The following UBXN2A variants were observed in gnomAD, a reference collection of about 807,000 sequenced individuals.
The protein encoded by UBXN2A is UBX domain protein 2A.
In UBXN2A, 28 loss-of-function variants were observed where a neutral mutation model predicts 28.4. The ratio of observed to expected loss-of-function variants is 0.99; its 90% CI spans 0.73 to 1.35. UBXN2A has a LOEUF of 1.35. UBXN2A is among the 40% of genes most tolerant of loss of function. The probability of loss-of-function intolerance (pLI) is 0.00; values close to 1 mark genes in which losing one functional copy is unlikely to be tolerated. For synonymous variants in UBXN2A, 97 were observed against 103.6 expected, an observed-to-expected ratio of 0.94 and a Z score of 0.39; for missense variants, 253 against 297.9, an observed-to-expected ratio of 0.85 and a Z score of 1.11.
intron 4 of UBXN2A, among the ~76,000 whole-genome samples, chr2:23,978,404 G>T (rs1707760725): frequency 6.6e-6 from 1 of 152,160 alleles, no homozygotes; most frequent in Non-Finnish European, 1.5e-5. Context: ...AGCACTTTGG[G>T]AGGCCGAGGC....
At position 23,966,381 on chromosome 2, in the gene UBXN2A, C is replaced by T. The variant is rs550819418; in HGVS notation, c.42-4895C>T. ...TGATCTCTTGACCTCGTGATCCGCCCACCTTGGCCTCCCAAAGTGCTAGGA... is the reference window on the plus strand; with the variant it reads ...TGATCTCTTGACCTCGTGATCCGCCTACCTTGGCCTCCCAAAGTGCTAGGA... On this transcript the variant is annotated intron_variant, in intron 2 of 6. Coordinates refer to ENST00000309033, the MANE Select transcript of UBXN2A (RefSeq NM_181713.4). Among the ~76,000 whole-genome samples the T allele has an allele frequency of 1.3e-3, 199 of 152,008 alleles. 1 individual carries two copies. The highest frequency in any genetic ancestry group is 3.4e-3 in the Middle Eastern group (1 of 292).
intron 5 of UBXN2A, 94 bp downstream of exon 5, chr2:23,983,127 C>A: frequency 7.8e-7 from 1 of 1,281,502 alleles, no homozygotes; most frequent in Non-Finnish European, 1.0e-6. Flanking sequence ...ATGAATGGAG[C>A]TTATCATTTC....
chr2:23,929,763 A>G (rs1705315826), intron 1 of UBXN2A, among the ~76,000 whole-genome samples: 1 of 152,190 alleles, frequency 6.6e-6, no homozygotes, highest in Non-Finnish European at 1.5e-5. Context: ...GGTGTGTGGT[A>G]TGCAAATTAT....
chr2:23,980,549 T>G (rs543954535), intron 4 of UBXN2A, among the ~76,000 whole-genome samples: 10 of 152,346 alleles, frequency 6.6e-5, no homozygotes, highest in Middle Eastern at 3.4e-3. Context: ...TGAGTGTCTT[T>G]TCATGTGCTT....
intron 3 of UBXN2A, among the ~76,000 whole-genome samples, chr2:23,976,684 G>A (rs1360553797): frequency 6.6e-6 from 1 of 152,066 alleles, no homozygotes; most frequent in Non-Finnish European, 1.5e-5. Context: ...CACAACACAC[G>A]GGAATTCTGG....
At chr2:23,961,230 G>A (rs1706891242) in intron 2 of UBXN2A, among the ~76,000 whole-genome samples, 1 of 151,668 alleles carries the variant, frequency 6.6e-6, no homozygotes, top group Non-Finnish European at 1.5e-5. Flanking sequence ...CAAGTAGCTG[G>A]GACTACAGGT....
At chr2:23,995,736 A>G (rs900680992) in intron 6 of UBXN2A, among the ~76,000 whole-genome samples, 2 of 151,888 alleles carry the variant, frequency 1.3e-5, no homozygotes, top group South Asian at 4.2e-4. Flanking sequence ...TGCATTTAAT[A>G]CCCTGATGAA....
At chr2:23,949,021 A>G (rs556521870) in intron 1 of UBXN2A, among the ~76,000 whole-genome samples, 1 of 148,300 alleles carries the variant, frequency 6.7e-6, no homozygotes, top group South Asian at 2.2e-4. Flanking sequence ...CCTCACTGCA[A>G]CCTCCATCTC....
chr2:23,933,731 AAAAC>A (rs1705443686), intron 1 of UBXN2A, among the ~76,000 whole-genome samples: 1 of 151,822 alleles, frequency 6.6e-6, no homozygotes, highest in African/African-American at 2.4e-5. Context: ...CAAAAGAAAA[AAAAC>A]AAAAACAGAA....
chr2:23,958,286 T>C lies in UBXN2A; in HGVS notation c.-14-15T>C, dbSNP rs745694974. ...ACTTACTTTCTTTTTACTTACTTTC[T>C]TTGTACTTTTACAGTAAGGCGAAAG... On this transcript the variant is annotated splice_polypyrimidine_tract_variant and intron_variant, in intron 1 of 6. Transcript: ENST00000309033. 2 of 1,582,092 alleles carry C rather than the reference T, an allele frequency of 1.3e-6. No homozygotes were observed. The highest frequency in any genetic ancestry group is 2.3e-5 in the East Asian group (1 of 43,652).
At chr2:23,943,115 C>A (rs950263554) in intron 1 of UBXN2A, among the ~76,000 whole-genome samples, 5 of 152,046 alleles carry the variant, frequency 3.3e-5, no homozygotes, top group Admixed American at 2.6e-4. Flanking sequence ...GCCACCATGC[C>A]TGGCTAGTTT....
chr2:23,958,837 CT>C (rs930118970), intron 2 of UBXN2A, among the ~76,000 whole-genome samples: 1 of 152,058 alleles, frequency 6.6e-6, no homozygotes, highest in African/African-American at 2.4e-5. Flanking sequence ...ATGTGTGTAT[CT>C]TTTTTTCTTT....
chr2:23,999,590 T>TAATA (rs1322325497), intron 6 of UBXN2A, 82 bp from the exon 7 acceptor site: 39 of 1,411,180 alleles, frequency 2.8e-5, no homozygotes, highest in Non-Finnish European at 2.6e-5. Flanking sequence ...CATATCCAGA[T>TAATA]ACTTTTACCA....
At chr2:23,938,477 T>A (rs2150789457), upstream of UBXN2A, among the ~76,000 whole-genome samples, 1 of 150,776 alleles carries the variant, frequency 6.6e-6, no homozygotes, top group Admixed American at 6.6e-5. Flanking sequence ...AAAAAAAAAA[T>A]TGAAGGTATC....
upstream of UBXN2A, among the ~76,000 whole-genome samples, chr2:23,935,800 AGCACTTT>A (rs1705507733): frequency 6.6e-6 from 1 of 152,238 alleles, no homozygotes; most frequent in Non-Finnish European, 1.5e-5. Flanking sequence ...CTGTAATCCC[AGCACTTT>A]GGGAAGCCGA....
At chr2:23,963,604 C>G (rs1477037323) in intron 2 of UBXN2A, among the ~76,000 whole-genome samples, 1 of 152,030 alleles carries the variant, frequency 6.6e-6, no homozygotes, top group African/African-American at 2.4e-5. Flanking sequence ...GAGTAATCAC[C>G]TCACACCTGT....
At chr2:23,955,108 T>G (rs975966774) in intron 1 of UBXN2A, among the ~76,000 whole-genome samples, 18 of 152,012 alleles carry the variant, frequency 1.2e-4, no homozygotes, top group African/African-American at 2.2e-4. Context: ...AATTTTTGTA[T>G]TTTTAGTAGA....
chr2:23,981,476 TAAAA>T (rs55665209), intron 4 of UBXN2A, among the ~76,000 whole-genome samples: 39 of 28,902 alleles, frequency 1.3e-3, no homozygotes, highest in African/African-American at 5.1e-3. Flanking sequence ...AGCTCCTATC[TAAAA>T]AAAAAAAAAA....
chr2:23,942,164 T>C (rs190551919), intron 1 of UBXN2A, among the ~76,000 whole-genome samples: 215 of 152,214 alleles, frequency 1.4e-3, no homozygotes, highest in Middle Eastern at 3.4e-3. Context: ...AAGTTGTTTG[T>C]GAGAGAAGGT....
Sources: allele counts gnomAD v4.1 joint callset (sites outside exome capture counted in the v4.1 genomes callset), GRCh38; gene constraint gnomAD v4.1.1; transcripts MANE v1.5; gene names NCBI Gene and HGNC (gene_info 2026-07-23, HGNC 2026-07-21).